Variants in RELT observed in about 807,000 individuals in gnomAD.
The protein encoded by RELT is tumor necrosis factor receptor superfamily member 19L.
In RELT, 37 loss-of-function variants were observed where a neutral mutation model predicts 51.1. The observed-to-expected ratio is 0.72, with a 90% CI of 0.56 to 0.95. The LOEUF (loss-of-function observed/expected upper bound fraction) is 0.95. Among genes scored for constraint, RELT ranks in the 40% least tolerant of loss-of-function variants. The pLI is 0.00. For missense variants in RELT, 535 were observed against 572.6 expected, an observed-to-expected ratio of 0.93 and a Z score of 0.67; for synonymous variants, 241 against 235.7, an observed-to-expected ratio of 1.02 and a Z score of -0.21.
At chr11:73,391,660 G>T (rs749456897) in intron 5 of RELT, among the ~76,000 whole-genome samples, 100 of 152,282 alleles carry the variant, frequency 6.6e-4, no homozygotes, top group South Asian at 3.3e-3. Context: ...GCCGGGCGTG[G>T]TGGTGCTACT....
Position 73,391,243 on chromosome 11 carries a change from T to C in RELT, c.367+20T>C, listed in dbSNP as rs1866210302. The C allele has an allele frequency of 6.2e-7, 1 of 1,609,528 alleles. No individual in the cohort carries two copies. The highest frequency in any genetic ancestry group is 2.2e-5 in the East Asian group (1 of 44,840). On this transcript the variant is annotated intron_variant, in intron 5 of 10. Coordinates refer to ENST00000064780, the MANE Select transcript of RELT (RefSeq NM_152222.2). ...GTGATGGTGAGTGGCAGACTGGGGC[T>C]AGGACTGGTGCAGGGGTATGTGCGG...
chr11:73,392,169 T>G, intron 5 of RELT, 42 bp from the exon 6 acceptor site: 1 of 1,597,340 alleles, frequency 6.3e-7, no homozygotes, highest in Non-Finnish European at 8.5e-7. Flanking sequence ...TGTGTTTGTG[T>G]CACTCTGCTT....
chr11:73,391,777 A>T (rs1866218496), intron 5 of RELT, among the ~76,000 whole-genome samples: 2 of 152,126 alleles, frequency 1.3e-5, no homozygotes, highest in South Asian at 2.1e-4. Context: ...GACCCTGCCT[A>T]AAAAAACCCA....
Position 73,394,226 on chromosome 11 carries a change from C to G in RELT, c.707-10C>G, listed in dbSNP as rs375339755. The G allele has an allele frequency of 6.3e-7, 1 of 1,596,530 alleles. No individual in the cohort carries two copies. The highest frequency in any genetic ancestry group is 2.3e-5 in the East Asian group (1 of 44,264). Reference sequence around the variant, plus strand: ...GGCCACAGTGAGGGTCTGACTGCAGCTACCCACAGAGAATGCTGCGGCCCT... The same window carrying G: ...GGCCACAGTGAGGGTCTGACTGCAGGTACCCACAGAGAATGCTGCGGCCCT... On this transcript the variant is annotated splice_polypyrimidine_tract_variant and intron_variant, in intron 7 of 10. Transcript: ENST00000064780. This position sits in a 1 kb window ranked among gnomAD's most constrained non-coding sequence, Gnocchi z 4.9.
chr11:73,390,432 G>C (rs138224368), intron 2 of RELT, 119 bp from the exon 3 acceptor site: 1 of 874,172 alleles, frequency 1.1e-6, no homozygotes, highest in Non-Finnish European at 1.9e-6. Flanking sequence ...CCTGAAGCCC[G>C]GGTGGGGTAG....
At chr11:73,384,286 C>A (rs1030633797) in intron 1 of RELT, 1 of 152,376 alleles carries the variant, frequency 6.6e-6, no homozygotes, top group African/African-American at 2.4e-5. Flanking sequence ...GAGCACTGCC[C>A]ACCAACCTTC....
chr11:73,390,869 G>C lies in RELT; in HGVS notation c.235G>C (p.Ala79Pro). 1 of 1,613,292 alleles carries C rather than the reference G, an allele frequency of 6.2e-7. No individual in the cohort carries two copies. The highest frequency in any genetic ancestry group is 8.5e-7 in the Non-Finnish European group (1 of 1,179,872). The change falls in exon 4 of 11, where the codon GCC becomes CCC. Residue 79 changes from alanine (A) to proline (P), a missense_variant. Transcript: ENST00000064780. ...ARCSLWRRLE[A>P]QVGMATRDTL... Reference sequence around the variant, plus strand: ...TTGCAGCCTTTGGAGGAGGCTGGAGGCCCAGGTGGGCATGGCAACTCGAGA... The same window carrying C: ...TTGCAGCCTTTGGAGGAGGCTGGAGCCCCAGGTGGGCATGGCAACTCGAGA...
chr11:73,394,156 G>C lies in RELT; in HGVS notation c.707-80G>C. The C allele has an allele frequency of 7.7e-7, 1 of 1,306,822 alleles. No homozygotes were observed. Among genetic ancestry groups the C allele is most frequent in the Non-Finnish European group, 1.1e-6 (1 of 929,406 alleles). 81.0% of individuals were successfully genotyped at this position (1,306,822 alleles called of 1,614,324 possible). ...GGGAGTGGTGGTATGGAGGGTAGGT[G>C]GGGGGTTCTCTGCTGGGGCAGGGGG... On this transcript the variant is annotated intron_variant, in intron 7 of 10. Transcript: ENST00000064780. The surrounding 1 kb of genome is among the most constrained non-coding windows in gnomAD (Gnocchi z 4.9).
At chr11:73,379,341 CT>C in intron 1 of RELT, among the ~76,000 whole-genome samples, 1 of 152,334 alleles carries the variant, frequency 6.6e-6, no homozygotes, top group Non-Finnish European at 1.5e-5. Flanking sequence ...CAAGCCAAAC[CT>C]TTCTGGGAAC....
intron 1 of RELT, among the ~76,000 whole-genome samples, chr11:73,378,198 C>G (rs924749790): frequency 1.3e-5 from 2 of 152,094 alleles, no homozygotes; most frequent in African/African-American, 4.8e-5. Flanking sequence ...CCCCTTCTCC[C>G]GTATGAAGGT....
intron 1 of RELT, among the ~76,000 whole-genome samples, chr11:73,381,569 G>C (rs1456559527): frequency 6.6e-6 from 1 of 152,178 alleles, no homozygotes; most frequent in African/African-American, 2.4e-5. Flanking sequence ...GGGAGGCTGG[G>C]GAGGCTTCCT....
intron 6 of RELT, chr11:73,393,007 C>T (rs1175036552): frequency 9.9e-7 from 1 of 1,005,596 alleles, no homozygotes; most frequent in Non-Finnish European, 1.2e-6. Flanking sequence ...CCTTCTTCCC[C>T]ACACCACTAC....
Position 73,394,180 on chromosome 11 carries a change from G to T in RELT, c.707-56G>T. On this transcript the variant is annotated intron_variant, in intron 7 of 10. Coordinates refer to ENST00000064780, the MANE Select transcript of RELT (RefSeq NM_152222.2). This position sits in a 1 kb window ranked among gnomAD's most constrained non-coding sequence, Gnocchi z 4.9. ...TGGGGGGTTCTCTGCTGGGGCAGGG[G>T]GTGGGAGGTGTGTCCCATATGGCCA... The T allele has an allele frequency of 2.0e-6, 3 of 1,476,000 alleles. No homozygotes were observed. The African/African-American group carries it at 4.2e-5, about 21-fold the overall frequency. The allele number at this position is 1,476,000 out of a possible 1,614,324, so 91.4% of individuals were successfully genotyped here. A position where few individuals can be genotyped will look rare whatever the true frequency, so the allele number is the denominator to read the frequency against.
chr11:73,393,850 C>T lies in RELT; in HGVS notation c.639C>T (p.Ala213=), dbSNP rs1473630228. The T allele has an allele frequency of 1.9e-6, 3 of 1,614,084 alleles. No homozygotes were observed. The South Asian group carries it at 3.3e-5, about 18-fold the overall frequency. The change falls in exon 7 of 11, where the codon GCC becomes GCT. Residue 213 remains alanine, a synonymous_variant. Coordinates refer to ENST00000064780, the MANE Select transcript of RELT (RefSeq NM_152222.2). Reference sequence around the variant, plus strand: ...TCTCTTCCCCAGGAATCAACCCTGCCTACCGGACTGAGGATGCCAATGAGG... The same window carrying T: ...TCTCTTCCCCAGGAATCAACCCTGCTTACCGGACTGAGGATGCCAATGAGG... ...PGGGGSGINP[A]YRTEDANEDT...
intron 6 of RELT, chr11:73,392,866 C>T: frequency 9.0e-7 from 1 of 1,114,158 alleles, no homozygotes; most frequent in East Asian, 6.1e-5. Context: ...GGCAGGGCAG[C>T]TGTCCTGTCC....
intron 5 of RELT, chr11:73,391,879 G>A: frequency 2.2e-6 from 1 of 454,300 alleles, no homozygotes; most frequent in Non-Finnish European, 4.1e-6. Context: ...CTAGATTCAT[G>A]GCCAGGCCAC....
At chr11:73,393,601 C>G (rs1866254174) in intron 6 of RELT, 2 of 1,484,490 alleles carry the variant, frequency 1.3e-6, no homozygotes, top group African/African-American at 2.8e-5. Context: ...GGCCCTGAAG[C>G]CTCTATGCAC....
Position 73,390,428 on chromosome 11 carries a change from G to A in RELT, c.46-123G>A, listed in dbSNP as rs1866191442. The A allele has an allele frequency of 5.9e-6, 5 of 841,898 alleles. No individual in the cohort carries two copies. The Admixed American group carries it at 9.5e-5, about 16-fold the overall frequency. 52.2% of individuals were successfully genotyped at this position (841,898 alleles called of 1,614,324 possible). A position where few individuals can be genotyped will look rare whatever the true frequency, so the allele number is the denominator to read the frequency against. On this transcript the variant is annotated intron_variant, in intron 2 of 10. Transcript: ENST00000064780. ...GAGGTTAGAAGAGTGTGTCCCTGAAGCCCGGGTGGGGTAGTCAGTGGTCCC... is the reference window on the plus strand; with the variant it reads ...GAGGTTAGAAGAGTGTGTCCCTGAAACCCGGGTGGGGTAGTCAGTGGTCCC...
chr11:73,378,880 G>A (rs1263171844), intron 1 of RELT, among the ~76,000 whole-genome samples: 1 of 152,212 alleles, frequency 6.6e-6, no homozygotes, highest in African/African-American at 2.4e-5. Flanking sequence ...GGGTAGCAGG[G>A]AAAATTGAGA....
Sources: allele counts gnomAD v4.1 joint callset (sites outside exome capture counted in the v4.1 genomes callset), GRCh38; gene constraint gnomAD v4.1.1; non-coding constraint Gnocchi (gnomAD v3.1); transcripts MANE v1.5; gene names NCBI Gene and HGNC (gene_info 2026-07-23, HGNC 2026-07-21).